CACNA1E: variants seen among roughly 807,000 people sequenced by gnomAD.
CACNA1E encodes voltage-dependent R-type calcium channel subunit alpha-1E.
A neutral mutation model predicts 259.2 loss-of-function variants in CACNA1E; 40 were observed. That is an observed-to-expected ratio of 0.15 (90% CI 0.12 to 0.20). The LOEUF (loss-of-function observed/expected upper bound fraction) is 0.20, where lower values mean the gene tolerates loss of function less well. CACNA1E is among the 10% of genes least tolerant of loss of function. The pLI, the probability that CACNA1E is intolerant of heterozygous loss-of-function variation, is 1.00. For synonymous variants in CACNA1E, 1,104 were observed against 1,138.5 expected (o/e 0.97, Z 0.61); for missense variants, 1,874 against 3,040.1 (o/e 0.62, Z 9.02).
intron 7 of CACNA1E, among the ~76,000 whole-genome samples, chr1:181,695,408 A>G (rs1237336339): frequency 7.2e-5 from 11 of 152,226 alleles, no homozygotes; most frequent in Non-Finnish European, 1.6e-4. Flanking sequence ...CAAAGGCTTT[A>G]GAGAACCCAG....
chr1:181,384,513 C>T (rs6668132), intron 1 of CACNA1E, among the ~76,000 whole-genome samples: 5,265 of 152,212 alleles, frequency 0.035, 314 homozygotes, highest in African/African-American at 0.12. Context: ...TCAGGGTTCT[C>T]GTTTCTTCTC....
chr1:181,405,458 C>A (rs899065616), intron 1 of CACNA1E, among the ~76,000 whole-genome samples: 39 of 152,172 alleles, frequency 2.6e-4, no homozygotes, highest in Admixed American at 2.6e-4. Context: ...ATTTGTTTCT[C>A]CAAGTCCAAG....
chr1:181,775,907 T>A (rs1659931707), intron 37 of CACNA1E, among the ~76,000 whole-genome samples, 194 bp from the exon 38 acceptor site: 1 of 152,228 alleles, frequency 6.6e-6, no homozygotes, highest in Non-Finnish European at 1.5e-5. Context: ...GTGTATGAGA[T>A]GCTTCTGTGA....
At chr1:181,332,945 A>C (rs537501092) in intron 1 of CACNA1E, among the ~76,000 whole-genome samples, 13 of 152,310 alleles carry the variant, frequency 8.5e-5, no homozygotes, top group Admixed American at 2.0e-4. Flanking sequence ...AGGTCCATGC[A>C]GAATGCAGAG....
intron 29 of CACNA1E, among the ~76,000 whole-genome samples, 165 bp from the exon 30 acceptor site, chr1:181,756,760 A>G (rs755891397): frequency 9.2e-5 from 14 of 152,306 alleles, no homozygotes; most frequent in Non-Finnish European, 1.6e-4. Flanking sequence ...AGAGAAGTGG[A>G]TTGTTGATAG....
upstream of CACNA1E, among the ~76,000 whole-genome samples, chr1:181,479,555 C>T (rs1171056708): frequency 6.6e-6 from 1 of 152,158 alleles, no homozygotes; most frequent in African/African-American, 2.4e-5. Context: ...TGAAGTCATG[C>T]AATACCGCAT....
At chr1:181,408,413 A>G (rs1657616772) in intron 1 of CACNA1E, among the ~76,000 whole-genome samples, 1 of 152,228 alleles carries the variant, frequency 6.6e-6, no homozygotes, top group Non-Finnish European at 1.5e-5. Flanking sequence ...TGAATTAAGA[A>G]GTAAAACTCT....
intron 7 of CACNA1E, among the ~76,000 whole-genome samples, chr1:181,696,103 A>T (rs565503656): frequency 1.3e-5 from 2 of 150,994 alleles, no homozygotes; most frequent in South Asian, 4.2e-4. Flanking sequence ...AATCAAAACA[A>T]TTAATAAGTT....
At chr1:181,721,721 C>G (rs772640767) in intron 15 of CACNA1E, 37 bp from the exon 16 acceptor site, 2 of 1,390,424 alleles carry the variant, frequency 1.4e-6, no homozygotes, top group African/African-American at 2.8e-5. Context: ...CTCCTCCAGC[C>G]CAGGTTTCTG....
chr1:181,578,513 G>A (rs1651201686), intron 4 of CACNA1E, among the ~76,000 whole-genome samples: 1 of 152,226 alleles, frequency 6.6e-6, no homozygotes, highest in Non-Finnish European at 1.5e-5. Flanking sequence ...GCTGCAGTGA[G>A]CCAAGATCAC....
intron 21 of CACNA1E, 110 bp from the exon 22 acceptor site, chr1:181,736,165 C>A: frequency 7.6e-7 from 1 of 1,310,022 alleles, no homozygotes; most frequent in Non-Finnish European, 1.0e-6. Context: ...TTGTTAGGGA[C>A]ATCCCTGGAG....
At chr1:181,772,837 T>C (rs909926893) in intron 37 of CACNA1E, among the ~76,000 whole-genome samples, 1 of 152,204 alleles carries the variant, frequency 6.6e-6, no homozygotes, top group African/African-American at 2.4e-5. Context: ...TTAGTAAATA[T>C]TGAGTAGTAT....
chr1:181,751,753 G>A (rs577071313), intron 26 of CACNA1E, among the ~76,000 whole-genome samples: 29 of 152,298 alleles, frequency 1.9e-4, no homozygotes, highest in South Asian at 1.2e-3. Context: ...TACTGCTCAC[G>A]TTCCCTAGTT....
At chr1:181,733,887 T>C (rs1655777622) in intron 21 of CACNA1E, 137 bp downstream of exon 21, 3 of 610,336 alleles carry the variant, frequency 4.9e-6, no homozygotes, top group Admixed American at 4.2e-5. Flanking sequence ...GAGTGGCGGT[T>C]TTCTCCCAGT....
Position 181,409,156 on chromosome 1 carries a change from C to G in CACNA1E, c.-14-3977C>G, listed in dbSNP as rs568105176. Among the ~76,000 whole-genome samples the G allele has an allele frequency of 2.6e-5, 4 of 152,352 alleles. No homozygotes were observed. In the South Asian group the frequency reaches 8.3e-4, roughly 32 times the overall value. On this transcript the variant is annotated intron_variant, in intron 1 of 11. Transcript: ENST00000524607. ...TTCTCTGGCTGCTTTCATGCTACAA[C>G]AGCAGCGTTTAAATAGTTGCAACAG...
At chr1:181,669,065 A>C (rs905134813) in intron 7 of CACNA1E, 26 of 152,204 alleles carry the variant, frequency 1.7e-4, no homozygotes, top group African/African-American at 6.0e-4. Context: ...TAATTATTAA[A>C]TCATGTTTTT....
rs568915504 is a variant in CACNA1E at position 181,621,940 on chromosome 1, G to A, written c.952-29398G>A. Among the ~76,000 whole-genome samples the A allele has an allele frequency of 2.4e-4, 37 of 152,266 alleles. No homozygotes were observed. The South Asian group carries it at 7.7e-3, about 32-fold the overall frequency. ...AGGGTCATACCTGATGCAGCCATGA[G>A]TGCATCCCTTCCTCAAGGGGCATAC... On this transcript the variant is annotated intron_variant, in intron 6 of 47. Transcript: ENST00000367573.
chr1:181,601,609 A>G (rs1307142971), intron 6 of CACNA1E, among the ~76,000 whole-genome samples: 1 of 152,138 alleles, frequency 6.6e-6, no homozygotes, highest in Admixed American at 6.5e-5. Flanking sequence ...TTGGCTCTAT[A>G]TTCAACATTT....
chr1:181,586,861 G>A (rs1341936673), intron 6 of CACNA1E, among the ~76,000 whole-genome samples: 1 of 152,196 alleles, frequency 6.6e-6, no homozygotes, highest in Non-Finnish European at 1.5e-5. Flanking sequence ...GGAGTAGGAA[G>A]GATTTCAGAG....
Sources: gnomAD v4.1 joint callset for allele counts (sites outside exome capture counted in the v4.1 genomes callset) on GRCh38, gnomAD v4.1.1 for gene constraint, MANE v1.5 for transcripts, NCBI Gene and HGNC (gene_info 2026-07-23, HGNC 2026-07-21) for gene names.